The following TUFT1 variants were observed in gnomAD, a reference collection of about 807,000 sequenced individuals.
The protein encoded by TUFT1 is tuftelin 1, also known as tuftelin.
In TUFT1, 43 loss-of-function variants were observed where a neutral mutation model predicts 57.8. The ratio of observed to expected loss-of-function variants is 0.74; its 90% CI spans 0.58 to 0.96. TUFT1 has a LOEUF of 0.96. TUFT1 is among the 40% of genes least tolerant of loss of function. The probability of loss-of-function intolerance (pLI) is 0.00; values close to 1 mark genes in which losing one functional copy is unlikely to be tolerated. For missense variants in TUFT1, 459 were observed against 489.0 expected (o/e 0.94, Z 0.58); for synonymous variants, 166 against 176.7 (o/e 0.94, Z 0.48).
intron 1 of TUFT1, among the ~76,000 whole-genome samples, chr1:151,554,807 G>A (rs369921765): frequency 7.5e-6 from 1 of 132,870 alleles, no homozygotes; most frequent in African/African-American, 2.9e-5. Flanking sequence ...GAGTTCAAGC[G>A]ATCCTCCTGC....
At chr1:151,564,830 G>GATC in intron 5 of TUFT1, 9 of 442,416 alleles carry the variant, frequency 2.0e-5, no homozygotes, top group Middle Eastern at 6.0e-4. Flanking sequence ...TTAAACATAA[G>GATC]TACACCTGCT....
chr1:151,553,158 C>T (rs1027754742), intron 1 of TUFT1, among the ~76,000 whole-genome samples: 1 of 152,014 alleles, frequency 6.6e-6, no homozygotes, highest in Non-Finnish European at 1.5e-5. Flanking sequence ...GTGGCACGAT[C>T]TTGGCTCACA....
At chr1:151,571,828 G>T (rs1415938845) in intron 7 of TUFT1, among the ~76,000 whole-genome samples, 1 of 152,162 alleles carries the variant, frequency 6.6e-6, no homozygotes, top group Admixed American at 6.5e-5. Flanking sequence ...GACAGCTATA[G>T]CCCACTGCCC....
chr1:151,568,253 T>C (rs1028817442), intron 6 of TUFT1, among the ~76,000 whole-genome samples: 1 of 152,162 alleles, frequency 6.6e-6, no homozygotes, highest in Non-Finnish European at 1.5e-5. Context: ...CCTCTCCACC[T>C]CCTGCAAGAG....
intron 10 of TUFT1, among the ~76,000 whole-genome samples, chr1:151,579,090 G>T (rs1196916084): frequency 2.0e-5 from 3 of 152,250 alleles, no homozygotes; most frequent in African/African-American, 4.8e-5. Flanking sequence ...TGAAGAGTGT[G>T]GGTAAATGAG....
chr1:151,568,321 AT>A, intron 6 of TUFT1, among the ~76,000 whole-genome samples: 1 of 152,158 alleles, frequency 6.6e-6, no homozygotes, highest in South Asian at 2.1e-4. Flanking sequence ...AATGTTCAGT[AT>A]ACATGATGAA....
intron 3 of TUFT1, 76 bp from the exon 4 acceptor site, chr1:151,563,828 C>A: frequency 7.9e-7 from 1 of 1,260,560 alleles, no homozygotes; most frequent in Non-Finnish European, 1.2e-6. Flanking sequence ...CTCCCACCAG[C>A]ACTATATGAA....
rs922776209 is a variant in TUFT1, at chr1:151,566,263, A to G, written c.480+35A>G. On this transcript the variant is annotated intron_variant, in intron 6 of 12. Transcript: ENST00000368849. Reference sequence around the variant, plus strand: ...AGAGGACACCATGGTGGCTCCGCTTAGCCAGGGGCAGGATTGCCTCCTCCC... The same window carrying G: ...AGAGGACACCATGGTGGCTCCGCTTGGCCAGGGGCAGGATTGCCTCCTCCC... The G allele has an allele frequency of 2.5e-6, 4 of 1,579,844 alleles. No individual in the cohort carries two copies. In the African/African-American group the frequency reaches 5.4e-5, roughly 21 times the overall value.
Position 151,566,227 on chromosome 1 carries a change from A to G in TUFT1, c.479A>G (p.Glu160Gly), listed in dbSNP as rs1306411871. ...SPTALYSSPP[E>G]VDTCINEDVE... is the part of the protein sequence containing the mutation. ...ACAGCCCTGTACAGCAGCCCACCTG[A>G]GGTAGGTAACAGAGGACACCATGGT... Residue 160 changes from glutamate to glycine, a missense_variant and splice_region_variant, in exon 6 of 13, where the codon GAG becomes GGG. Transcript: ENST00000368849. The G allele has an allele frequency of 5.0e-6, 8 of 1,610,520 alleles. No homozygotes were observed. The highest frequency in any genetic ancestry group is 6.8e-6 in the Non-Finnish European group (8 of 1,178,790).
At chr1:151,578,459 G>A (rs1046657098) in intron 9 of TUFT1, among the ~76,000 whole-genome samples, 8 of 152,110 alleles carry the variant, frequency 5.3e-5, no homozygotes, top group Non-Finnish European at 1.0e-4. Context: ...ACAGGCACAC[G>A]CCACCACACT....
rs569511435 is a variant in TUFT1 at position 151,552,751 on chromosome 1, G to T, written c.61-9340G>T. Among the ~76,000 whole-genome samples, 7 of 130,554 alleles carry T rather than the reference G, an allele frequency of 5.4e-5. No homozygotes were observed. The East Asian group carries it at 1.5e-3, about 29-fold the overall frequency. 85.6% of individuals were successfully genotyped at this position (130,554 alleles called of 152,430 possible). ...AAAAAAAAGGCATACAGATTTATTT[G>T]ATCATAGTTTTAGGTGACATAGGAA... On this transcript the variant is annotated intron_variant, in intron 1 of 12. Transcript: ENST00000368849.
chr1:151,565,961 T>G, intron 5 of TUFT1: 2 of 473,668 alleles, frequency 4.2e-6, no homozygotes, highest in East Asian at 3.5e-5. Context: ...TTCTTTCGCT[T>G]CGTTCCTTCT....
intron 3 of TUFT1, 78 bp downstream of exon 3, chr1:151,562,764 G>T: frequency 7.9e-7 from 1 of 1,269,210 alleles, no homozygotes; most frequent in Non-Finnish European, 1.1e-6. Flanking sequence ...AGTTGATGTT[G>T]TTGCCAAAGG....
chr1:151,568,344 T>A (rs1203261280), intron 6 of TUFT1, among the ~76,000 whole-genome samples: 1 of 152,208 alleles, frequency 6.6e-6, no homozygotes, highest in Non-Finnish European at 1.5e-5. Context: ...TTGTGCTATA[T>A]CTTCTTCCCT....
intron 10 of TUFT1, 55 bp from the exon 11 acceptor site, chr1:151,579,594 G>A: frequency 6.3e-7 from 1 of 1,583,482 alleles, no homozygotes; most frequent in Non-Finnish European, 8.7e-7. Flanking sequence ...GAAGTCTGGT[G>A]AGTGTGTAAT....
At chr1:151,557,405 G>A in intron 1 of TUFT1, 1 of 865,322 alleles carries the variant, frequency 1.2e-6, no homozygotes, top group Non-Finnish European at 1.9e-6. Context: ...AAACCTAAGA[G>A]GGGCTTTCCA....
At chr1:151,564,641 T>C (rs377062657) in intron 5 of TUFT1, 27 bp downstream of exon 5, 2 of 1,592,582 alleles carry the variant, frequency 1.3e-6, no homozygotes, top group East Asian at 2.2e-5. Context: ...CATGGTTGGG[T>C]CCCCACCGAG....
Position 151,581,948 on chromosome 1 carries a change from A to AG in TUFT1, c.*244dup. 1.6e-6 allele frequency: 1 copy of AG among 614,226 alleles called. No individual in the cohort carries two copies. The highest frequency in any genetic ancestry group is 1.8e-5 in the South Asian group (1 of 54,186). The allele number at this position is 614,226 out of a possible 1,614,324, so 38.0% of individuals were successfully genotyped here. On this transcript the variant is annotated 3_prime_UTR_variant, in exon 13 of 13. Transcript: ENST00000368849. ...AGACATTGTCCTGCAAGCAGGAGCC[A>AG]GGGCAATATCTATATTCCTACAGTG...
chr1:151,580,379 G>A (rs1186651264), intron 11 of TUFT1, among the ~76,000 whole-genome samples: 2 of 152,102 alleles, frequency 1.3e-5, no homozygotes, highest in Non-Finnish European at 2.9e-5. Flanking sequence ...TATATATAGG[G>A]GCCAGGTGCA....
Sources: gnomAD v4.1 joint callset for allele counts (sites outside exome capture counted in the v4.1 genomes callset) on GRCh38, gnomAD v4.1.1 for gene constraint, MANE v1.5 for transcripts, NCBI Gene and HGNC (gene_info 2026-07-23, HGNC 2026-07-21) for gene names.